Variants in SDAD1 observed in about 807,000 individuals in gnomAD.
The protein encoded by SDAD1 is SDA1 domain containing 1, also known as protein SDA1 homolog.
Under a neutral mutation model 100.3 loss-of-function variants are expected in SDAD1, and 79 were observed. The observed-to-expected ratio is 0.79, with a 90% CI of 0.66 to 0.95. The LOEUF is 0.95. Among genes scored for constraint, SDAD1 ranks in the 40% least tolerant of loss-of-function variants. SDAD1 has a pLI of 0.00. For missense variants in SDAD1, 790 were observed against 810.9 expected, an observed-to-expected ratio of 0.97 and a Z score of 0.31; for synonymous variants, 267 against 271.4, an observed-to-expected ratio of 0.98 and a Z score of 0.16.
chr4:75,973,449 T>C (rs949581506), intron 7 of SDAD1, 58 bp from the exon 8 acceptor site: 11 of 1,240,168 alleles, frequency 8.9e-6, no homozygotes, highest in Non-Finnish European at 1.3e-5. Flanking sequence ...AAAGAATAAA[T>C]CCTTTTGAGT....
At chr4:75,990,421 G>C (rs982779701) in intron 1 of SDAD1, among the ~76,000 whole-genome samples, 1 of 152,146 alleles carries the variant, frequency 6.6e-6, no homozygotes, top group South Asian at 2.1e-4. Context: ...TGAGAAATCC[G>C]CGTGGAAGTT....
intron 21 of SDAD1, among the ~76,000 whole-genome samples, chr4:75,953,428 A>C (rs1728720829): frequency 2.0e-5 from 3 of 152,254 alleles, no homozygotes; most frequent in Admixed American, 2.0e-4. Context: ...GTTAAGGGCC[A>C]GTGAAGGACA....
intron 17 of SDAD1, among the ~76,000 whole-genome samples, chr4:75,959,406 C>T (rs1206444570): frequency 6.6e-6 from 1 of 151,964 alleles, no homozygotes; most frequent in Admixed American, 6.6e-5. Context: ...GGGTTCAAGA[C>T]CAGCCTGGCC....
chr4:75,955,056 C>A (rs1728815840), intron 21 of SDAD1, among the ~76,000 whole-genome samples: 1 of 152,180 alleles, frequency 6.6e-6, no homozygotes, highest in Admixed American at 6.5e-5. Context: ...ACTGTTACTG[C>A]TGATTAATAT....
At chr4:75,965,679 A>T (rs1321844421) in intron 13 of SDAD1, 85 bp downstream of exon 13, 1 of 1,036,980 alleles carries the variant, frequency 9.6e-7, no homozygotes, top group South Asian at 1.3e-5. Flanking sequence ...TATCGGGGGC[A>T]GGTTCCCCCG....
In SDAD1 at chr4:75,950,641, T is replaced by C. The variant is rs1560531696; in HGVS notation, c.*109A>G. On this transcript the variant is annotated 3_prime_UTR_variant, in exon 22 of 22. Coordinates refer to ENST00000356260, the MANE Select transcript of SDAD1 (RefSeq NM_018115.4). ...GCCACATGTTCAGCAGTTTTCACAA[T>C]ACAGTGTGTCTGGACTTTTTAATGT... 1.4e-6 allele frequency: 1 copy of C among 693,220 alleles called. No homozygotes were observed. Among genetic ancestry groups the C allele is most frequent in the East Asian group, 2.6e-5 (1 of 38,198 alleles). The allele number at this position is 693,220 out of a possible 1,614,324, so 42.9% of individuals were successfully genotyped here.
rs199727822 is a variant in SDAD1, at chr4:75,965,796, C to A, written c.1072G>T (p.Ala358Ser). 1 of 1,613,536 alleles carries A rather than the reference C, an allele frequency of 6.2e-7. No homozygotes were observed. Among genetic ancestry groups the A allele is most frequent in the African/African-American group, 1.3e-5 (1 of 74,876 alleles). Residue 358 changes from alanine to serine, a missense_variant, in exon 13 of 22, where the codon GCA becomes TCA. Ala to Ser is a moderately conservative substitution (Grantham distance 99). Coordinates refer to ENST00000356260, the MANE Select transcript of SDAD1 (RefSeq NM_018115.4). The stretch of plus-strand genomic sequence containing the variant: ...GGTACTAGGTGATGAGATGCTTGTG[C>A]AGCAAACAGAAGGATCTTGGTTACT... ...REVTKILLFA[A>S]QASHHLVPPE... is the part of the protein sequence containing the mutation.
At position 75,971,402 on chromosome 4, in the gene SDAD1, A is replaced by G. The variant is rs1177401639; in HGVS notation, c.768T>C (p.Ser256=). Residue 256 remains serine, a synonymous_variant, in exon 9 of 22, where the codon AGT becomes AGC. Coordinates refer to ENST00000356260, the MANE Select transcript of SDAD1 (RefSeq NM_018115.4). ...LLVQYATGKK[S]SKNKKKLEKA... ...TTTCCAACTTTTTCTTGTTTTTGGA[A>G]CTTTTCTTCCCTGTAGCATATTGTA... 3 of 1,613,902 alleles carry G rather than the reference A, an allele frequency of 1.9e-6. No homozygotes were observed. The highest frequency in any genetic ancestry group is 2.5e-6 in the Non-Finnish European group (3 of 1,179,970).
intron 12 of SDAD1, 65 bp downstream of exon 12, chr4:75,967,212 A>T: frequency 6.8e-7 from 1 of 1,460,026 alleles, no homozygotes. Flanking sequence ...ATTCCAGAAC[A>T]AAAGACTTTG....
intron 20 of SDAD1, 99 bp from the exon 21 acceptor site, chr4:75,956,235 G>A: frequency 3.8e-6 from 5 of 1,323,372 alleles, no homozygotes; most frequent in Non-Finnish European, 5.2e-6. Flanking sequence ...GCTCTACTAG[G>A]TGCCAAGGGC....
At chr4:75,969,230 CTT>C in intron 11 of SDAD1, 64 bp downstream of exon 11, 4 of 1,311,648 alleles carry the variant, frequency 3.0e-6, no homozygotes, top group Non-Finnish European at 4.3e-6. Flanking sequence ...TACCTAATGG[CTT>C]TTCTTTTACC....
chr4:75,973,212 G>T, intron 8 of SDAD1, 105 bp downstream of exon 8: 1 of 846,888 alleles, frequency 1.2e-6, no homozygotes. Context: ...CAGGGCAAAG[G>T]TGTCATCTAA....
rs894089736 is a variant in SDAD1, at chr4:75,950,388, C to T, written c.*362G>A. The T allele has an allele frequency of 5.3e-6, 1 of 190,180 alleles. No homozygotes were observed. The highest frequency in any genetic ancestry group is 1.1e-5 in the Non-Finnish European group (1 of 90,212). The allele number at this position is 190,180 out of a possible 1,614,324, so 11.8% of individuals were successfully genotyped here. ...AACCTCTACTACAGAACTATTTACA[C>T]TGCACTGTAAATACACATATGTGTG... On this transcript the variant is annotated 3_prime_UTR_variant, in exon 22 of 22. Coordinates refer to ENST00000356260, the MANE Select transcript of SDAD1 (RefSeq NM_018115.4).
At chr4:75,987,403 T>C (rs1431272289) in intron 1 of SDAD1, among the ~76,000 whole-genome samples, 2 of 152,204 alleles carry the variant, frequency 1.3e-5, no homozygotes, top group Non-Finnish European at 2.9e-5. Flanking sequence ...CATACTCCAA[T>C]TGTTTTTAAA....
At chr4:75,966,506 G>C (rs1000948663) in intron 12 of SDAD1, among the ~76,000 whole-genome samples, 2 of 152,050 alleles carry the variant, frequency 1.3e-5, no homozygotes, top group Non-Finnish European at 2.9e-5. Flanking sequence ...CACAGTGCTT[G>C]GTCCATGTTA....
At position 75,950,477 on chromosome 4, in the gene SDAD1, T is replaced by A; in HGVS notation, c.*273A>T. ...GGGGTTACAGCTCATTCGTTTTGCA[T>A]CTACAGTGACAATGAATAGGCACTC... On this transcript the variant is annotated 3_prime_UTR_variant, in exon 22 of 22. Coordinates refer to ENST00000356260, the MANE Select transcript of SDAD1 (RefSeq NM_018115.4). 2.9e-6 allele frequency: 1 copy of A among 350,672 alleles called. No homozygotes were observed. The highest frequency in any genetic ancestry group is 5.4e-6 in the Non-Finnish European group (1 of 185,836). 21.7% of individuals were successfully genotyped at this position (350,672 alleles called of 1,614,324 possible). A position where few individuals can be genotyped will look rare whatever the true frequency, so the allele number is the denominator to read the frequency against.
chr4:75,957,024 C>T (rs1317350328), intron 20 of SDAD1, among the ~76,000 whole-genome samples: 2 of 152,148 alleles, frequency 1.3e-5, no homozygotes, highest in Non-Finnish European at 2.9e-5. Context: ...GCAGGAGAAT[C>T]GCTTGAACCT....
intron 1 of SDAD1, among the ~76,000 whole-genome samples, chr4:75,982,927 T>C (rs1730629646): frequency 6.6e-6 from 1 of 152,166 alleles, no homozygotes; most frequent in Non-Finnish European, 1.5e-5. Flanking sequence ...GTATTTCTCC[T>C]AATGCTATCC....
At chr4:75,965,234 C>T (rs944937495) in intron 13 of SDAD1, among the ~76,000 whole-genome samples, 9 of 152,116 alleles carry the variant, frequency 5.9e-5, no homozygotes, top group Non-Finnish European at 1.0e-4. Context: ...AAATAAGCCC[C>T]GGTCTCCCGT....
Sources: gnomAD v4.1 joint callset for allele counts (sites outside exome capture counted in the v4.1 genomes callset) on GRCh38, gnomAD v4.1.1 for gene constraint, MANE v1.5 for transcripts, NCBI Gene and HGNC (gene_info 2026-07-23, HGNC 2026-07-21) for gene names.